The following ABCA13 variants were observed in gnomAD, a reference collection of about 807,000 sequenced individuals.
The protein encoded by ABCA13 is ATP binding cassette subfamily A member 13.
ABCA13 carries 476 observed loss-of-function variants against 478.7 expected under a neutral mutation model. That is an observed-to-expected ratio of 0.99 (90% confidence interval 0.92 to 1.07). The LOEUF (loss-of-function observed/expected upper bound fraction) is 1.07, where lower values mean the gene tolerates loss of function less well. ABCA13 is among the 50% of genes least tolerant of loss of function. ABCA13 has a pLI of 0.00. For missense variants in ABCA13, 6,060 were observed against 5,910.6 expected (o/e 1.03, Z -0.83); for synonymous variants, 2,252 against 2,158.9 (o/e 1.04, Z -1.20).
chr7:48,367,079 G>A (rs1267847417), intron 31 of ABCA13, among the ~76,000 whole-genome samples: 2 of 152,124 alleles, frequency 1.3e-5, no homozygotes, highest in Non-Finnish European at 2.9e-5. Context: ...AAGACAGAGG[G>A]TCCAGCTTGA....
At chr7:48,231,501 A>T (rs1324155883) in intron 7 of ABCA13, among the ~76,000 whole-genome samples, 1 of 152,094 alleles carries the variant, frequency 6.6e-6, no homozygotes, top group Non-Finnish European at 1.5e-5. Context: ...CCAAAACACG[A>T]GTGGCCATGG....
intron 15 of ABCA13, among the ~76,000 whole-genome samples, chr7:48,260,986 T>C (rs1794092359): frequency 6.6e-6 from 1 of 151,990 alleles, no homozygotes; most frequent in Admixed American, 6.6e-5. Context: ...AGCTTGTATG[T>C]CTTAAAATGT....
chr7:48,625,201 C>A (rs1793550655), intron 59 of ABCA13, among the ~76,000 whole-genome samples: 1 of 152,170 alleles, frequency 6.6e-6, no homozygotes, highest in Non-Finnish European at 1.5e-5. Flanking sequence ...ACACCATATG[C>A]TTTAGTGTGG....
Position 48,446,386 on chromosome 7 carries a change from TTA to T in ABCA13, c.12566-8650_12566-8649del, listed in dbSNP as rs200982521. On this transcript the variant is annotated intron_variant, in intron 42 of 61. Transcript: ENST00000435803. Reference sequence around the variant, plus strand: ...TTTATATAATGCTTTGTCATGCCCTTTAAAAAAAAAAAAAAAAAAGAAACCTT... The same window carrying T: ...TTTATATAATGCTTTGTCATGCCCTTAAAAAAAAAAAAAAAAAGAAACCTT... 1.9e-3 allele frequency among the ~76,000 whole-genome samples: 180 copies of T among 95,504 alleles called. 2 individuals are homozygous for T. The highest frequency in any genetic ancestry group is 0.015 in the South Asian group (44 of 2,908). 62.7% of individuals were successfully genotyped at this position (95,504 alleles called of 152,430 possible).
At chr7:48,413,120 A>G (rs1001166605) in intron 41 of ABCA13, among the ~76,000 whole-genome samples, 11 of 151,664 alleles carry the variant, frequency 7.3e-5, no homozygotes, top group African/African-American at 2.4e-4. Flanking sequence ...CTCTTTTAGC[A>G]TTCTTGTATT....
chr7:48,450,981 TTTTC>T (rs1479344959), intron 42 of ABCA13, among the ~76,000 whole-genome samples: 74 of 149,422 alleles, frequency 5.0e-4, no homozygotes, highest in Admixed American at 4.1e-4. Flanking sequence ...TCTTTTTTTT[TTTTC>T]TTTTCTTTTT....
intron 51 of ABCA13, among the ~76,000 whole-genome samples, chr7:48,512,046 G>A (rs1474783940): frequency 6.6e-6 from 1 of 151,928 alleles, no homozygotes; most frequent in Non-Finnish European, 1.5e-5. Flanking sequence ...TGGATGGATG[G>A]AAGTATGTAG....
rs375381413 is a variant in ABCA13 at position 48,275,337 on chromosome 7, C to A, written c.5671C>A (p.His1891Asn). Reference protein sequence around the residue: ...EITRKVVCIIHELVDWNSILL... With the variant: ...EITRKVVCIINELVDWNSILL... The stretch of plus-strand genomic sequence containing the variant: ...AACTAGGAAAGTGGTCTGCATAATT[C>A]ATGAATTAGTGGACTGGAATTCTAT... Residue 1891 changes from histidine (H) to asparagine (N), a missense_variant, in exon 17 of 62, where the codon CAT becomes AAT. His to Asn is a moderately conservative substitution (Grantham distance 68). Transcript: ENST00000435803. 6.2e-6 allele frequency: 10 copies of A among 1,613,808 alleles called. No individual in the cohort carries two copies. Among genetic ancestry groups the A allele is most frequent in the Non-Finnish European group, 8.5e-6 (10 of 1,179,878 alleles).
chr7:48,496,017 G>A (rs989942685), intron 48 of ABCA13, among the ~76,000 whole-genome samples: 1 of 152,004 alleles, frequency 6.6e-6, no homozygotes, highest in Non-Finnish European at 1.5e-5. Context: ...TTTGTGTAGA[G>A]TGTATATTGT....
At chr7:48,217,405 T>C (rs1786649294) in intron 3 of ABCA13, among the ~76,000 whole-genome samples, 1 of 152,224 alleles carries the variant, frequency 6.6e-6, no homozygotes, top group African/African-American at 2.4e-5. Flanking sequence ...TTGCTTATTC[T>C]TGTAGTCCTT....
At chr7:48,403,363 C>T (rs1817859794) in intron 38 of ABCA13, among the ~76,000 whole-genome samples, 1 of 152,166 alleles carries the variant, frequency 6.6e-6, no homozygotes, top group African/African-American at 2.4e-5. Context: ...GGATGCAGGG[C>T]CCTCCCTGGC....
chr7:48,413,966 A>G (rs1422572936), intron 41 of ABCA13, among the ~76,000 whole-genome samples: 1 of 152,170 alleles, frequency 6.6e-6, no homozygotes, highest in African/African-American at 2.4e-5. Flanking sequence ...TAGTTAGTCA[A>G]GTTCTCTAAA....
rs1268484996 is a variant in ABCA13 at position 48,278,100 on chromosome 7, C to A, written c.6906C>A (p.Val2302=). 15 of 1,265,622 alleles carry A rather than the reference C, an allele frequency of 1.2e-5. No homozygotes were observed. The highest frequency in any genetic ancestry group is 9.9e-5 in the Admixed American group (3 of 30,448). The allele number at this position is 1,265,622 out of a possible 1,614,324, so 78.4% of individuals were successfully genotyped here. ...TATATATATATATTTACAGTTTTGT[C>A]CCAAAAGATAAAATTCTAGAAATTC... ...HKDVIAEMSF[V]PKDKILEILK... Residue 2302 remains valine (V), a synonymous_variant, in exon 18 of 62, where the codon GTC becomes GTA. Coordinates refer to ENST00000435803, the MANE Select transcript of ABCA13 (RefSeq NM_152701.5).
At chr7:48,628,296 G>A (rs1268858574) in intron 59 of ABCA13, among the ~76,000 whole-genome samples, 1 of 152,196 alleles carries the variant, frequency 6.6e-6, no homozygotes, top group Non-Finnish European at 1.5e-5. Context: ...ACATGTGGCC[G>A]AAGAGTTATA....
intron 20 of ABCA13, among the ~76,000 whole-genome samples, chr7:48,289,741 CAAA>C (rs1798251545): frequency 6.6e-6 from 1 of 151,518 alleles, no homozygotes; most frequent in Non-Finnish European, 1.5e-5. Context: ...GCAACTGACT[CAAA>C]GACTGTATTT....
intron 20 of ABCA13, among the ~76,000 whole-genome samples, chr7:48,289,214 C>G (rs888278274): frequency 6.6e-6 from 1 of 151,972 alleles, no homozygotes; most frequent in Non-Finnish European, 1.5e-5. Context: ...CAGCAGGAAG[C>G]CCTGAGCAGT....
In ABCA13 at chr7:48,275,087, T is replaced by C; in HGVS notation, c.5421T>C (p.Asp1807=). The C allele has an allele frequency of 6.2e-7, 1 of 1,613,326 alleles. No homozygotes were observed. The highest frequency in any genetic ancestry group is 8.5e-7 in the Non-Finnish European group (1 of 1,179,536). The change falls in exon 17 of 62, where the codon GAT becomes GAC. Residue 1807 remains aspartate, a synonymous_variant. Coordinates refer to ENST00000435803, the MANE Select transcript of ABCA13 (RefSeq NM_152701.5). ...TGGATACAATTGAATTAGTATCAGA[T>C]AAGCCAGATATTATTTCAGAGGCTT... The part of the protein sequence containing the change: ...ILLDTIELVS[D]KPDIISEALA...
intron 5 of ABCA13, among the ~76,000 whole-genome samples, chr7:48,223,220 T>C (rs749144504): frequency 2.6e-5 from 4 of 151,854 alleles, no homozygotes; most frequent in Non-Finnish European, 4.4e-5. Flanking sequence ...AAATCAGAAA[T>C]TGATTTGGGG....
At position 48,619,818 on chromosome 7, in the gene ABCA13, A is replaced by G. The variant is rs372423513; in HGVS notation, c.14837+4441A>G. Among the ~76,000 whole-genome samples, 75 of 152,276 alleles carry G rather than the reference A, an allele frequency of 4.9e-4. 1 individual carries two copies. The highest frequency in any genetic ancestry group is 1.8e-3 in the African/African-American group (74 of 41,564). On this transcript the variant is annotated intron_variant, in intron 59 of 61. Coordinates refer to ENST00000435803, the MANE Select transcript of ABCA13 (RefSeq NM_152701.5). Reference sequence around the variant, plus strand: ...AAGTGTGGTCTTGGGAAGCAGCAAGACAGGTAGACCTCTGCAACATTACTC... The same window carrying G: ...AAGTGTGGTCTTGGGAAGCAGCAAGGCAGGTAGACCTCTGCAACATTACTC...
Sources: allele counts gnomAD v4.1 joint callset (sites outside exome capture counted in the v4.1 genomes callset), GRCh38; gene constraint gnomAD v4.1.1; transcripts MANE v1.5; gene names NCBI Gene and HGNC (gene_info 2026-07-23, HGNC 2026-07-21).